LHFPL3: variants seen among roughly 807,000 people sequenced by gnomAD.
The protein encoded by LHFPL3 is LHFPL tetraspan subfamily member 3.
Under a neutral mutation model 19.3 loss-of-function variants are expected in LHFPL3, and 5 were observed. The ratio of observed to expected loss-of-function variants is 0.26; its 90% CI spans 0.14 to 0.54. LHFPL3 has a LOEUF of 0.54. Ranked by LOEUF, LHFPL3 falls within the 20% of genes least tolerant of loss-of-function variation. The pLI, the probability that LHFPL3 is intolerant of heterozygous loss-of-function variation, is 0.94. For missense variants in LHFPL3, 249 were observed against 307.4 expected, an observed-to-expected ratio of 0.81 and a Z score of 1.42; for synonymous variants, 133 against 126.2, an observed-to-expected ratio of 1.05 and a Z score of -0.36.
intron 2 of LHFPL3, among the ~76,000 whole-genome samples, chr7:104,864,893 C>T (rs1791690833): frequency 6.6e-6 from 1 of 152,188 alleles, no homozygotes. Flanking sequence ...GAGGAATGAT[C>T]AGGCAGCAAC....
At chr7:104,534,680 C>G (rs1204833522) in intron 1 of LHFPL3, among the ~76,000 whole-genome samples, 1 of 152,122 alleles carries the variant, frequency 6.6e-6, no homozygotes, top group East Asian at 1.9e-4. Flanking sequence ...GAGTACTAGA[C>G]AAAATAATTT....
intron 1 of LHFPL3, among the ~76,000 whole-genome samples, chr7:104,330,617 T>C (rs938597311): frequency 1.3e-5 from 2 of 152,190 alleles, no homozygotes; most frequent in African/African-American, 4.8e-5. Context: ...TGCCATATAT[T>C]GTAAAAGTGT....
rs190919309 is a variant in LHFPL3, at chr7:104,702,083, A to G, written c.446-34592A>G. Among the ~76,000 whole-genome samples, 353 of 151,142 alleles carry G rather than the reference A, an allele frequency of 2.3e-3. 3 individuals are homozygous for G. Among genetic ancestry groups the G allele is most frequent in the African/African-American group, 8.0e-3 (330 of 41,140 alleles). ...GATGTTCCCCTCCCTGTGTCCATGT[A>G]TTCTCATTGTTCAACTCCCACTTAT... On this transcript the variant is annotated intron_variant, in intron 1 of 2. Transcript: ENST00000424859.
chr7:104,352,854 T>C (rs1378115461), intron 1 of LHFPL3, among the ~76,000 whole-genome samples: 2 of 152,182 alleles, frequency 1.3e-5, no homozygotes, highest in East Asian at 1.9e-4. Flanking sequence ...TAACCATGAG[T>C]TCCTGGCTAC....
At chr7:104,813,777 C>A (rs1253211197) in intron 2 of LHFPL3, among the ~76,000 whole-genome samples, 1 of 152,218 alleles carries the variant, frequency 6.6e-6, no homozygotes, top group Non-Finnish European at 1.5e-5. Context: ...CCACAGCTGG[C>A]ATCAGAGAAC....
intron 2 of LHFPL3, among the ~76,000 whole-genome samples, chr7:104,837,869 A>G (rs1791127392): frequency 6.6e-6 from 1 of 152,236 alleles, no homozygotes; most frequent in African/African-American, 2.4e-5. Flanking sequence ...GGTGTTTGAT[A>G]GACATTATTA....
chr7:104,749,219 T>G (rs541200221), intron 2 of LHFPL3, among the ~76,000 whole-genome samples: 54 of 152,366 alleles, frequency 3.5e-4, no homozygotes, highest in African/African-American at 1.2e-3. Flanking sequence ...GGTTTGGATC[T>G]TATCAGATGC....
chr7:104,845,035 C>T (rs913072965), intron 2 of LHFPL3, among the ~76,000 whole-genome samples: 1 of 152,230 alleles, frequency 6.6e-6, no homozygotes, highest in African/African-American at 2.4e-5. Flanking sequence ...CCACCGCACC[C>T]GGCCTCTAAG....
intron 1 of LHFPL3, among the ~76,000 whole-genome samples, chr7:104,430,437 T>TAC (rs1562895314): frequency 4.7e-4 from 8 of 16,852 alleles, no homozygotes; most frequent in Admixed American, 7.4e-4. Flanking sequence ...TATATATATA[T>TAC]ATATATATAT....
chr7:104,709,108 A>T (rs7809409), intron 1 of LHFPL3, among the ~76,000 whole-genome samples: 12,357 of 152,138 alleles, frequency 0.081, 520 homozygotes, highest in African/African-American at 0.12. Context: ...AAGGAAAATC[A>T]GTGGAGTCCC....
At chr7:104,680,162 G>A (rs1029791852) in intron 1 of LHFPL3, among the ~76,000 whole-genome samples, 3 of 152,160 alleles carry the variant, frequency 2.0e-5, no homozygotes, top group African/African-American at 4.8e-5. Flanking sequence ...GACAGTTAGC[G>A]CCAGCTGCTC....
In LHFPL3 at chr7:104,787,650, A is replaced by G. The variant is rs145583411; in HGVS notation, c.682+50739A>G. ...ACTGCAGCCTTGAGCTCTTGGGCTCAAGCAATCTTCCCACCTCAGTCTCCT... is the reference window on the plus strand; with the variant it reads ...ACTGCAGCCTTGAGCTCTTGGGCTCGAGCAATCTTCCCACCTCAGTCTCCT... On this transcript the variant is annotated intron_variant, in intron 2 of 2. Transcript: ENST00000424859. 1.7e-3 allele frequency among the ~76,000 whole-genome samples: 258 copies of G among 152,300 alleles called. 2 individuals are homozygous for G. The highest frequency in any genetic ancestry group is 6.0e-3 in the African/African-American group (249 of 41,552).
At chr7:104,514,067 G>A (rs764666171) in intron 1 of LHFPL3, among the ~76,000 whole-genome samples, 6 of 152,136 alleles carry the variant, frequency 3.9e-5, no homozygotes, top group Non-Finnish European at 4.4e-5. Flanking sequence ...TTGGTTATTA[G>A]CTCTCTTAAC....
intron 2 of LHFPL3, among the ~76,000 whole-genome samples, chr7:104,841,230 C>T (rs1791197171): frequency 6.6e-6 from 1 of 152,090 alleles, no homozygotes; most frequent in Non-Finnish European, 1.5e-5. Flanking sequence ...GGAATATCAC[C>T]CCTATGATCC....
At chr7:104,749,420 C>A (rs1485150443) in intron 2 of LHFPL3, among the ~76,000 whole-genome samples, 2 of 152,210 alleles carry the variant, frequency 1.3e-5, no homozygotes, top group African/African-American at 2.4e-5. Context: ...ATTAAGCATT[C>A]CCTGAGGTAA....
chr7:104,677,672 A>G (rs1374813314), intron 1 of LHFPL3, among the ~76,000 whole-genome samples: 8 of 152,236 alleles, frequency 5.3e-5, no homozygotes, highest in Non-Finnish European at 7.3e-5. Flanking sequence ...ACTTTCTGCA[A>G]TGATGGAAGT....
At chr7:104,631,409 T>C (rs1419360424) in intron 1 of LHFPL3, among the ~76,000 whole-genome samples, 1 of 151,866 alleles carries the variant, frequency 6.6e-6, no homozygotes, top group African/African-American at 2.4e-5. Context: ...GCATGACCCG[T>C]GGCTGAGAAT....
rs58010609 is a variant in LHFPL3 at position 104,372,997 on chromosome 7, CAA to C, written c.445+43783_445+43784del. 8.0e-3 allele frequency among the ~76,000 whole-genome samples: 1,012 copies of C among 126,432 alleles called. 89 individuals carry two copies. In the East Asian group the frequency reaches 0.18, roughly 23 times the overall value. 82.9% of individuals were successfully genotyped at this position (126,432 alleles called of 152,430 possible). ...CAAAGTTTTCCTGAGAGCTTCTTTA[CAA>C]AAAAAAAAAGCAGTTCCCTGGGCAA... On this transcript the variant is annotated intron_variant, in intron 1 of 2. Transcript: ENST00000424859.
intron 1 of LHFPL3, among the ~76,000 whole-genome samples, chr7:104,381,685 A>G (rs147766257): frequency 6.6e-6 from 1 of 152,322 alleles, no homozygotes; most frequent in East Asian, 1.9e-4. Flanking sequence ...TTAAAAATCT[A>G]ATGGCAACTT....
Sources: allele counts gnomAD v4.1 joint callset (sites outside exome capture counted in the v4.1 genomes callset), GRCh38; gene constraint gnomAD v4.1.1; transcripts MANE v1.5; gene names NCBI Gene and HGNC (gene_info 2026-07-23, HGNC 2026-07-21).